XKR7: variants seen among roughly 807,000 people sequenced by gnomAD.
XKR7 encodes the protein XK related 7, also known as XK-related protein 7.
Under a neutral mutation model 42.2 loss-of-function variants are expected in XKR7, and 11 were observed. That is an observed-to-expected ratio of 0.26 (90% CI 0.16 to 0.43). XKR7 has a LOEUF of 0.43. Among genes scored for constraint, XKR7 ranks in the 20% least tolerant of loss-of-function variants. The pLI, the probability that XKR7 is intolerant of heterozygous loss-of-function variation, is 1.00. For synonymous variants in XKR7, 346 were observed against 366.4 expected (o/e 0.94, Z 0.64); for missense variants, 710 against 802.2 (o/e 0.89, Z 1.39).
At chr20:31,974,303 G>T (rs2064476458) in intron 1 of XKR7, among the ~76,000 whole-genome samples, 1 of 152,174 alleles carries the variant, frequency 6.6e-6, no homozygotes, top group Non-Finnish European at 1.5e-5. Context: ...ATGGAGACTG[G>T]ATCAAACTGT....
chr20:31,969,335 C>A (rs1260399129), intron 1 of XKR7, among the ~76,000 whole-genome samples: 1 of 152,228 alleles, frequency 6.6e-6, no homozygotes, highest in Non-Finnish European at 1.5e-5. Flanking sequence ...GCTCCTTCTA[C>A]TTCCTATGAC....
chr20:31,995,152 C>T lies in XKR7; in HGVS notation c.669C>T (p.Phe223=), dbSNP rs1234204568. 6.4e-7 allele frequency: 1 copy of T among 1,555,694 alleles called. No homozygotes were observed. Among genetic ancestry groups the T allele is most frequent in the South Asian group, 1.2e-5 (1 of 84,600 alleles). Residue 223 remains phenylalanine, a synonymous_variant, in exon 2 of 3, where the codon TTC becomes TTT. Coordinates refer to ENST00000562532, the MANE Select transcript of XKR7 (RefSeq NM_001011718.2). This position sits in a 1 kb window ranked among gnomAD's most constrained non-coding sequence, Gnocchi z 4.1. ...LRRHFYWQML[F]ESADVSMLRL... ...GCCACTTCTACTGGCAGATGCTGTTCGAGAGCGCCGACGTGAGCATGCTGC... is the reference window on the plus strand; with the variant it reads ...GCCACTTCTACTGGCAGATGCTGTTTGAGAGCGCCGACGTGAGCATGCTGC...
In XKR7 at chr20:31,968,362, G is replaced by A. The variant is rs376036689; in HGVS notation, c.187G>A (p.Ala63Thr). ...GCGGGACTGCTGCTGGGTGCTGTGCGCGCTGCTCGTGTTCTTCTCCGACGG... is the reference window on the plus strand; with the variant it reads ...GCGGGACTGCTGCTGGGTGCTGTGCACGCTGCTCGTGTTCTTCTCCGACGG... ...ELRDCCWVLCALLVFFSDGAT... is the reference protein window; with the variant it reads ...ELRDCCWVLCTLLVFFSDGAT... The change falls in exon 1 of 3, where the codon GCG (alanine) becomes ACG (threonine). Residue 63 changes from alanine (A) to threonine (T), a missense_variant. Ala to Thr is a moderately conservative substitution (Grantham distance 58, BLOSUM62 0). Coordinates refer to ENST00000562532, the MANE Select transcript of XKR7 (RefSeq NM_001011718.2). This position sits in a 1 kb window ranked among gnomAD's most constrained non-coding sequence, Gnocchi z 4.5. 34 of 1,610,062 alleles carry A rather than the reference G, an allele frequency of 2.1e-5. No homozygotes were observed. Among genetic ancestry groups the A allele is most frequent in the Non-Finnish European group, 2.8e-5 (33 of 1,179,312 alleles).
rs957246668 is a variant in XKR7, at chr20:31,996,934, G to T, written c.1217G>T (p.Arg406Leu). The T allele has an allele frequency of 4.3e-6, 7 of 1,614,086 alleles. No individual in the cohort carries two copies. In the African/African-American group the frequency reaches 9.3e-5, roughly 22 times the overall value. Reference sequence around the variant, plus strand: ...CTCACCGGCTTCTGGTACTCCAGCCGCAACTTCTCAACCGACTTCTACTCG... The same window carrying T: ...CTCACCGGCTTCTGGTACTCCAGCCTCAACTTCTCAACCGACTTCTACTCG... ...AALTGFWYSSRNFSTDFYSLI... is the reference protein window; with the variant it reads ...AALTGFWYSSLNFSTDFYSLI... Residue 406 changes from arginine to leucine, a missense_variant, in exon 3 of 3, where the codon CGC becomes CTC. Around this residue, in one of 2 missense-constraint regions of XKR7, gnomAD observed 708 missense variants for 786.2 expected, o/e 0.90. Coordinates refer to ENST00000562532, the MANE Select transcript of XKR7 (RefSeq NM_001011718.2).
intron 1 of XKR7, among the ~76,000 whole-genome samples, chr20:31,978,392 G>C (rs771410004): frequency 1.3e-5 from 2 of 152,254 alleles, no homozygotes. Flanking sequence ...TTGCAGGCGT[G>C]AGCCACTGTG....
intron 1 of XKR7, among the ~76,000 whole-genome samples, chr20:31,971,276 G>A (rs1430967764): frequency 6.6e-6 from 1 of 152,196 alleles, no homozygotes; most frequent in African/African-American, 2.4e-5. Flanking sequence ...ACTATAGTTT[G>A]CTGGGTGACC....
chr20:32,002,982 C>T lies in XKR7; in HGVS notation c.*5525C>T, dbSNP rs941072282. 1 of 152,198 alleles carries T rather than the reference C, an allele frequency of 6.6e-6. No individual in the cohort carries two copies. The highest frequency in any genetic ancestry group is 1.9e-4 in the East Asian group (1 of 5,186). 9.4% of individuals were successfully genotyped at this position (152,198 alleles called of 1,614,324 possible). On this transcript the variant is annotated 3_prime_UTR_variant, in exon 3 of 3. Transcript: ENST00000562532. Reference sequence around the variant, plus strand: ...AGTTGGTGGCAGGGTGAGACCAGAACCCGGTTCTTTTGAGGGTCCCACCAG... The same window carrying T: ...AGTTGGTGGCAGGGTGAGACCAGAATCCGGTTCTTTTGAGGGTCCCACCAG...
intron 1 of XKR7, among the ~76,000 whole-genome samples, chr20:31,984,035 G>T (rs2064525842): frequency 6.6e-6 from 1 of 151,830 alleles, no homozygotes; most frequent in Admixed American, 6.6e-5. Context: ...GCCGAGTCAA[G>T]TGGATCCCTT....
intron 1 of XKR7, among the ~76,000 whole-genome samples, chr20:31,990,017 T>C (rs559655232): frequency 6.6e-6 from 1 of 152,304 alleles, no homozygotes; most frequent in South Asian, 2.1e-4. Flanking sequence ...TTCTTTCAAC[T>C]TCATTTCAAA....
rs1395427637 is a variant in XKR7, at chr20:32,003,221, TC to T, written c.*5765del. On this transcript the variant is annotated 3_prime_UTR_variant, in exon 3 of 3. Transcript: ENST00000562532. Reference sequence around the variant, plus strand: ...GTATTTACTACATCTGTGCCATCCCTCATCCCCCTGACCCCCATTCACCCTC... The same window carrying T: ...GTATTTACTACATCTGTGCCATCCCTATCCCCCTGACCCCCATTCACCCTC... The T allele has an allele frequency of 6.6e-6, 1 of 152,248 alleles. No homozygotes were observed. Among genetic ancestry groups the T allele is most frequent in the Non-Finnish European group, 1.5e-5 (1 of 68,062 alleles). The allele number at this position is 152,248 out of a possible 1,614,324, so 9.4% of individuals were successfully genotyped here.
chr20:31,968,940 A>C lies in XKR7; in HGVS notation c.584+181A>C, dbSNP rs1266096396. 1.3e-5 allele frequency among the ~76,000 whole-genome samples: 2 copies of C among 151,960 alleles called. No individual in the cohort carries two copies. The highest frequency in any genetic ancestry group is 2.9e-5 in the Non-Finnish European group (2 of 67,990). ...GGCTTCTCCCTGACCTCTGCCCCCA[A>C]GCCCTGACCAACCCCAGTGCCATCC... On this transcript the variant is annotated intron_variant, in intron 1 of 2. Transcript: ENST00000562532. This position sits in a 1 kb window ranked among gnomAD's most constrained non-coding sequence, Gnocchi z 4.5.
intron 1 of XKR7, among the ~76,000 whole-genome samples, chr20:31,989,155 T>A (rs1161871276): frequency 2.0e-5 from 3 of 152,134 alleles, no homozygotes; most frequent in African/African-American, 4.8e-5. Context: ...CTGGGAGGCC[T>A]CTCTGAGAAG....
At chr20:31,990,032 G>T (rs1321777571) in intron 1 of XKR7, among the ~76,000 whole-genome samples, 1 of 152,226 alleles carries the variant, frequency 6.6e-6, no homozygotes, top group Admixed American at 6.5e-5. Flanking sequence ...TTCAAATAGA[G>T]TGGGATGTGG....
At chr20:31,990,183 T>C (rs1280336482) in intron 1 of XKR7, among the ~76,000 whole-genome samples, 4 of 145,640 alleles carry the variant, frequency 2.7e-5, no homozygotes, top group Admixed American at 2.0e-4. Context: ...TCATTGCGTG[T>C]GTGTGTGTGT....
At position 31,995,088 on chromosome 20, in the gene XKR7, T is replaced by G; in HGVS notation, c.605T>G (p.Leu202Arg). Residue 202 changes from leucine to arginine, a missense_variant, in exon 2 of 3, where the codon CTG becomes CGG. Around this residue, in one of 2 missense-constraint regions of XKR7, gnomAD observed 708 missense variants for 786.2 expected, o/e 0.90. Coordinates refer to ENST00000562532, the MANE Select transcript of XKR7 (RefSeq NM_001011718.2). The surrounding 1 kb of genome is among the most constrained non-coding windows in gnomAD (Gnocchi z 4.1). ...CGCAGGTACCTGCGCGCCCTGTACC[T>G]GGGGCTGCAGAGCCGCTGGCGCGGG... ...QVWRYLRALYLGLQSRWRGER... is the reference protein window; with the variant it reads ...QVWRYLRALYRGLQSRWRGER... 1 of 1,552,190 alleles carries G rather than the reference T, an allele frequency of 6.4e-7. No homozygotes were observed. Among genetic ancestry groups the G allele is most frequent in the Non-Finnish European group, 8.7e-7 (1 of 1,149,410 alleles).
chr20:31,977,624 C>A (rs1219535128), intron 1 of XKR7, among the ~76,000 whole-genome samples: 1 of 152,158 alleles, frequency 6.6e-6, no homozygotes, highest in African/African-American at 2.4e-5. Context: ...CAAGTCACAG[C>A]CCATCCTACT....
chr20:31,991,086 G>A (rs1374771177), intron 1 of XKR7, among the ~76,000 whole-genome samples: 1 of 152,234 alleles, frequency 6.6e-6, no homozygotes, highest in Admixed American at 6.5e-5. Flanking sequence ...AGCTGGCAGA[G>A]GAGGGGGCAG....
chr20:31,992,875 A>G (rs1236314642), intron 1 of XKR7, among the ~76,000 whole-genome samples: 1 of 152,178 alleles, frequency 6.6e-6, no homozygotes, highest in Non-Finnish European at 1.5e-5. Context: ...TAAGACCAGT[A>G]TACTCATTTG....
chr20:31,983,359 A>C (rs1002768805), intron 1 of XKR7, among the ~76,000 whole-genome samples: 32 of 152,226 alleles, frequency 2.1e-4, no homozygotes, highest in Admixed American at 7.9e-4. Flanking sequence ...AACATGACAG[A>C]AAGTGACCAG....
Sources: gnomAD v4.1 joint callset for allele counts (sites outside exome capture counted in the v4.1 genomes callset) on GRCh38, gnomAD v4.1.1 for gene constraint, gnomAD v4.1.1 regional missense constraint, Gnocchi (gnomAD v3.1) non-coding constraint, MANE v1.5 for transcripts, NCBI Gene and HGNC (gene_info 2026-07-23, HGNC 2026-07-21) for gene names.